EPN2: variants seen among roughly 807,000 people sequenced by gnomAD.
EPN2 encodes epsin-2.
Under a neutral mutation model 61.7 loss-of-function variants are expected in EPN2, and 34 were observed. The observed-to-expected ratio is 0.55, with a 90% CI of 0.42 to 0.73. The LOEUF is 0.73. EPN2 is among the 30% of genes least tolerant of loss of function. The probability of loss-of-function intolerance (pLI) is 0.00; values close to 1 mark genes in which losing one functional copy is unlikely to be tolerated. For missense variants in EPN2, 714 were observed against 839.2 expected (o/e 0.85, Z 1.84); for synonymous variants, 349 against 353.6 (o/e 0.99, Z 0.15).
At chr17:19,327,256 T>C (rs1402041471) in intron 7 of EPN2, among the ~76,000 whole-genome samples, 1 of 152,092 alleles carries the variant, frequency 6.6e-6, no homozygotes, top group Non-Finnish European at 1.5e-5. Context: ...TTTTTTTTCA[T>C]AGAATGGAAC....
Position 19,313,182 on chromosome 17 carries a change from A to G in EPN2, c.1050A>G (p.Lys350=), listed in dbSNP as rs1027308466. The G allele has an allele frequency of 6.2e-7, 1 of 1,613,342 alleles. No individual in the cohort carries two copies. Among genetic ancestry groups the G allele is most frequent in the Non-Finnish European group, 8.5e-7 (1 of 1,179,730 alleles). ...CCAGCTCGGGCCCCGCGGCCCAGAA[A>G]GCAGAGCCCTGGGGCCCGTCAGCCT... is the stretch of plus-strand genomic sequence containing the variant. ...ALPSSGPAAQ[K]AEPWGPSAST... The change falls in exon 7 of 11, where the codon AAA becomes AAG. Residue 350 remains lysine, a synonymous_variant. Transcript: ENST00000314728.
intron 7 of EPN2, among the ~76,000 whole-genome samples, chr17:19,318,346 G>A (rs371057171): frequency 6.6e-6 from 1 of 151,544 alleles, no homozygotes; most frequent in African/African-American, 2.4e-5. Flanking sequence ...TCAAGAGATC[G>A]AGACCATCCT....
chr17:19,309,841 T>TA, intron 4 of EPN2, 44 bp from the exon 5 acceptor site: 1 of 1,518,700 alleles, frequency 6.6e-7, no homozygotes, highest in Middle Eastern at 1.7e-4. Flanking sequence ...AGGAGCTGTA[T>TA]CAGCCTTGTC....
chr17:19,279,918 C>A (rs576714989), intron 1 of EPN2: 4 of 151,664 alleles, frequency 2.6e-5, no homozygotes, highest in African/African-American at 9.7e-5. Context: ...CTCACTACAA[C>A]CTCCACCTCT....
At chr17:19,329,300 T>G in intron 8 of EPN2, 1 of 467,624 alleles carries the variant, frequency 2.1e-6, no homozygotes, top group Non-Finnish European at 3.8e-6. Flanking sequence ...CCTTTGCCTT[T>G]TGGGGTGAGG....
At position 19,278,504 on chromosome 17, in the gene EPN2, A is replaced by G. The variant is rs191674452; in HGVS notation, c.-293-3451A>G. Among the ~76,000 whole-genome samples the G allele has an allele frequency of 1.1e-4, 17 of 152,302 alleles. 1 individual carries two copies. The East Asian group carries it at 2.1e-3, about 19-fold the overall frequency. On this transcript the variant is annotated intron_variant, in intron 1 of 10. Transcript: ENST00000314728. ...TCAGATCTCATGAGACTTACTCACTATCACAGGAATAGCATGGGAAAGACT... is the reference window on the plus strand; with the variant it reads ...TCAGATCTCATGAGACTTACTCACTGTCACAGGAATAGCATGGGAAAGACT...
intron 1 of EPN2, among the ~76,000 whole-genome samples, chr17:19,252,364 A>C (rs556121093): frequency 8.5e-5 from 13 of 152,302 alleles, no homozygotes; most frequent in Non-Finnish European, 1.8e-4. Flanking sequence ...ATTAATGATA[A>C]AGATCTTTGG....
intron 1 of EPN2, among the ~76,000 whole-genome samples, chr17:19,244,366 C>A (rs1463233971): frequency 1.3e-5 from 2 of 150,684 alleles, no homozygotes; most frequent in East Asian, 1.9e-4. Flanking sequence ...GGCTGAGGCA[C>A]GAGAATTGCT....
chr17:19,322,382 C>G (rs915862873), intron 7 of EPN2, among the ~76,000 whole-genome samples: 2 of 152,184 alleles, frequency 1.3e-5, no homozygotes, highest in Non-Finnish European at 2.9e-5. Flanking sequence ...CTCTCCTCCT[C>G]TCCCTCCTAG....
chr17:19,333,938 C>T lies in EPN2; in HGVS notation c.1628-18C>T. 1.3e-6 allele frequency: 2 copies of T among 1,516,152 alleles called. No homozygotes were observed. Among genetic ancestry groups the T allele is most frequent in the Non-Finnish European group, 1.8e-6 (2 of 1,128,282 alleles). 93.9% of individuals were successfully genotyped at this position (1,516,152 alleles called of 1,614,324 possible). On this transcript the variant is annotated intron_variant, in intron 10 of 10. Coordinates refer to ENST00000314728, the MANE Select transcript of EPN2 (RefSeq NM_014964.5). ...CACCCTGACGGCTCAGCCTCTGCCC[C>T]TCCTTCTGTCTCCCCAGGTGCTCCC...
intron 1 of EPN2, among the ~76,000 whole-genome samples, chr17:19,253,410 C>CTTTTTTTTTTTTTT (rs59492982): frequency 9.8e-6 from 1 of 101,856 alleles, no homozygotes; most frequent in Non-Finnish European, 1.9e-5. Flanking sequence ...TAAATAGTTG[C>CTTTTTTTTTTTTTT]TTTTTTTTTT....
At position 19,334,030 on chromosome 17, in the gene EPN2, CG is replaced by C; in HGVS notation, c.1707del (p.Ser570AlafsTer24). The part of the protein sequence containing the change: ...QPQPLTLNQL[R>X]GSPVLGTSTS... ...CCAGCCGCTGACACTGAACCAGCTTCGGGGGAGCCCAGTCCTGGGGACCAGC... is the reference window on the plus strand; with the variant it reads ...CCAGCCGCTGACACTGAACCAGCTTCGGGGAGCCCAGTCCTGGGGACCAGC... On this transcript the variant is annotated frameshift_variant, in exon 11 of 11. Coordinates refer to ENST00000314728, the MANE Select transcript of EPN2 (RefSeq NM_014964.5). LOFTEE classifies it high-confidence loss of function. The surrounding 1 kb of genome is among the most constrained non-coding windows in gnomAD (Gnocchi z 4.9). 2 of 1,603,818 alleles carry C rather than the reference CG, an allele frequency of 1.2e-6. No homozygotes were observed. The highest frequency in any genetic ancestry group is 1.1e-5 in the South Asian group (1 of 89,454).
intron 7 of EPN2, 74 bp downstream of exon 7, chr17:19,313,353 C>G (rs2047233153): frequency 1.4e-6 from 2 of 1,390,610 alleles, no homozygotes; most frequent in South Asian, 2.9e-5. Flanking sequence ...TTCTTGCTGT[C>G]TCTCACCCAC....
chr17:19,331,235 G>T (rs1341850720), intron 9 of EPN2, among the ~76,000 whole-genome samples: 2 of 152,200 alleles, frequency 1.3e-5, no homozygotes, highest in African/African-American at 4.8e-5. Context: ...TACTGTAAAT[G>T]ATGCTGTTGT....
intron 1 of EPN2, among the ~76,000 whole-genome samples, chr17:19,265,258 C>T (rs1470556650): frequency 1.3e-5 from 2 of 151,852 alleles, no homozygotes; most frequent in Admixed American, 1.3e-4. Flanking sequence ...CTTGATGGTG[C>T]ACACCTGTAC....
chr17:19,298,766 C>T (rs931418631), intron 4 of EPN2, among the ~76,000 whole-genome samples: 1 of 152,162 alleles, frequency 6.6e-6, no homozygotes, highest in Non-Finnish European at 1.5e-5. Flanking sequence ...TGCTTCTCTC[C>T]CGGGTTATTG....
chr17:19,308,638 C>T lies in EPN2; in HGVS notation c.767-1247C>T, dbSNP rs569754501. The T allele has an allele frequency of 4.4e-5, 43 of 985,316 alleles. No homozygotes were observed. The African/African-American group carries it at 5.8e-4, about 13-fold the overall frequency. The allele number at this position is 985,316 out of a possible 1,614,324, so 61.0% of individuals were successfully genotyped here. ...GGGTGCGCTGAGGGAACAGCCTGCA[C>T]GGAGACCCGGGAGGAGGACAGGGCA... On this transcript the variant is annotated intron_variant, in intron 4 of 10. Coordinates refer to ENST00000314728, the MANE Select transcript of EPN2 (RefSeq NM_014964.5).
intron 1 of EPN2, among the ~76,000 whole-genome samples, chr17:19,241,634 A>G (rs1406228851): frequency 3.3e-5 from 5 of 152,126 alleles, no homozygotes; most frequent in Non-Finnish European, 5.9e-5. Context: ...AAGTTCGTCA[A>G]TGGAATTTTA....
chr17:19,252,986 C>T (rs561774058), intron 1 of EPN2, among the ~76,000 whole-genome samples: 2 of 152,306 alleles, frequency 1.3e-5, no homozygotes, highest in South Asian at 2.1e-4. Flanking sequence ...TAGGCATGAG[C>T]CACCACACCC....
Sources: gnomAD v4.1 joint callset for allele counts (sites outside exome capture counted in the v4.1 genomes callset) on GRCh38, gnomAD v4.1.1 for gene constraint, Gnocchi (gnomAD v3.1) non-coding constraint, MANE v1.5 for transcripts, NCBI Gene and HGNC (gene_info 2026-07-23, HGNC 2026-07-21) for gene names.